The following TRIM5 variants were observed in gnomAD, a reference collection of about 807,000 sequenced individuals.
The protein encoded by TRIM5 is tripartite motif containing 5.
A neutral mutation model predicts 35.6 loss-of-function variants in TRIM5; 31 were observed. The ratio of observed to expected loss-of-function variants is 0.87; its 90% CI spans 0.65 to 1.18. TRIM5 has a LOEUF of 1.18. TRIM5 is among the 50% of genes most tolerant of loss of function. The pLI is 0.00. For missense variants in TRIM5, 609 were observed against 591.6 expected (o/e 1.03, Z -0.31); for synonymous variants, 243 against 215.6 (o/e 1.13, Z -1.11).
the TRIM5 span, among the ~76,000 whole-genome samples, chr11:5,637,858 G>A: frequency 6.6e-6 from 1 of 152,136 alleles, no homozygotes; most frequent in African/African-American, 2.4e-5. Flanking sequence ...TGTCCTACAG[G>A]TTTCTTATAA....
At chr11:5,592,469 C>T in the TRIM5 span, among the ~76,000 whole-genome samples, 1 of 152,142 alleles carries the variant, frequency 6.6e-6, no homozygotes, top group African/African-American at 2.4e-5. Flanking sequence ...GAGCTAGGAT[C>T]TGAATCTTGG....
the TRIM5 span, among the ~76,000 whole-genome samples, chr11:5,598,703 A>G: frequency 2.0e-5 from 3 of 152,362 alleles, no homozygotes; most frequent in African/African-American, 7.2e-5. Flanking sequence ...AATGCTCAAG[A>G]GCCATATCTG....
At chr11:5,665,871 A>G in intron 6 of TRIM5, 110 bp downstream of exon 6, 2 of 1,215,290 alleles carry the variant, frequency 1.6e-6, no homozygotes, top group Non-Finnish European at 1.1e-6. Context: ...GACAATATCT[A>G]TCCTCCCCTA....
At chr11:5,674,884 G>A (rs1019851700) in intron 4 of TRIM5, among the ~76,000 whole-genome samples, 1 of 152,216 alleles carries the variant, frequency 6.6e-6, no homozygotes, top group Admixed American at 6.5e-5. Context: ...GTTTCCAGGA[G>A]CTGGGGTGTA....
chr11:5,665,581 A>G, intron 7 of TRIM5, 75 bp downstream of exon 7: 1 of 1,585,258 alleles, frequency 6.3e-7, no homozygotes. Context: ...AATAGAGAAC[A>G]TAAAATTCTA....
At chr11:5,684,367 C>T (rs1852848863) in intron 1 of TRIM5, among the ~76,000 whole-genome samples, 1 of 151,870 alleles carries the variant, frequency 6.6e-6, no homozygotes, top group South Asian at 2.1e-4. Context: ...ACCTGCTTGC[C>T]TTTTTTCCCA....
chr11:5,634,492 T>TAC, the TRIM5 span: 15,156 of 227,534 alleles, frequency 0.067, 708 homozygotes, highest in East Asian at 0.22. Context: ...ATAATATAAA[T>TAC]ACACACACAC....
intron 4 of TRIM5, among the ~76,000 whole-genome samples, chr11:5,671,223 C>T (rs568785839): frequency 6.6e-6 from 1 of 151,080 alleles, no homozygotes; most frequent in South Asian, 2.1e-4. Flanking sequence ...GAGACTCTGT[C>T]TAAAATATAT....
chr11:5,683,478 T>A (rs990255754), intron 1 of TRIM5, among the ~76,000 whole-genome samples: 1 of 151,868 alleles, frequency 6.6e-6, no homozygotes, highest in Admixed American at 6.6e-5. Context: ...CAATCGACAC[T>A]CTATATCTAG....
the TRIM5 span, chr11:5,589,570 C>G: frequency 6.6e-6 from 1 of 152,196 alleles, no homozygotes; most frequent in Non-Finnish European, 1.5e-5. Context: ...CTAAATAAAT[C>G]TTCGGCATGT....
chr11:5,677,071 A>G (rs1212528427), intron 4 of TRIM5, among the ~76,000 whole-genome samples: 1 of 152,136 alleles, frequency 6.6e-6, no homozygotes, highest in East Asian at 1.9e-4. Context: ...AAACACCAAA[A>G]GCAATGGCAA....
At chr11:5,643,689 C>G in the TRIM5 span, 1 of 1,596,052 alleles carries the variant, frequency 6.3e-7, no homozygotes, top group South Asian at 1.1e-5. Flanking sequence ...TCCCATGACT[C>G]TATGCCCACC....
chr11:5,591,298 C>T, the TRIM5 span, among the ~76,000 whole-genome samples: 2 of 152,278 alleles, frequency 1.3e-5, no homozygotes, highest in East Asian at 3.9e-4. Flanking sequence ...CAAGCCAATA[C>T]CATGGCACCT....
Position 5,679,974 on chromosome 11 carries a change from C to T in TRIM5, c.204G>A (p.Arg68=), listed in dbSNP as rs1590276637. The T allele has an allele frequency of 6.2e-7, 1 of 1,614,066 alleles. No homozygotes were observed. The highest frequency in any genetic ancestry group is 1.7e-5 in the Admixed American group (1 of 60,020). Residue 68 remains arginine (R), a synonymous_variant, in exon 2 of 8, where the codon CGG becomes CGA. Coordinates refer to ENST00000380034, the MANE Select transcript of TRIM5 (RefSeq NM_033034.3). ...CTATGTTGGCTACATGCCGATTAGG[C>T]CGTATGTTCTCAGGCTGGTAACTGA... The part of the protein sequence containing the change: ...CRISYQPENI[R]PNRHVANIVE...
At chr11:5,657,642 T>A in the TRIM5 span, among the ~76,000 whole-genome samples, 3 of 122,202 alleles carry the variant, frequency 2.5e-5, no homozygotes, top group East Asian at 2.1e-4. Flanking sequence ...TATATATTAT[T>A]TATATATTAT....
chr11:5,673,413 G>T (rs1303464549), intron 4 of TRIM5, among the ~76,000 whole-genome samples: 2 of 151,954 alleles, frequency 1.3e-5, no homozygotes, highest in African/African-American at 4.8e-5. Flanking sequence ...TAACAACAGG[G>T]CTTCAAAATA....
At chr11:5,599,593 CAG>C in the TRIM5 span, among the ~76,000 whole-genome samples, 2 of 152,016 alleles carry the variant, frequency 1.3e-5, no homozygotes, top group Non-Finnish European at 2.9e-5. Flanking sequence ...TTAGTAGAGA[CAG>C]GGTTTCACCG....
chr11:5,670,290 G>A (rs921600142), intron 4 of TRIM5, among the ~76,000 whole-genome samples: 8 of 143,068 alleles, frequency 5.6e-5, no homozygotes, highest in Admixed American at 4.5e-4. Context: ...CCATTCTCCT[G>A]TTTCAGCCTC....
the TRIM5 span, among the ~76,000 whole-genome samples, chr11:5,645,038 A>C: frequency 1.3e-5 from 2 of 152,194 alleles, no homozygotes; most frequent in Admixed American, 1.3e-4. Context: ...AAGTGATTAT[A>C]TTTGACAAAA....
Sources: gnomAD v4.1 joint callset for allele counts (sites outside exome capture counted in the v4.1 genomes callset) on GRCh38, gnomAD v4.1.1 for gene constraint, MANE v1.5 for transcripts, NCBI Gene and HGNC (gene_info 2026-07-23, HGNC 2026-07-21) for gene names.